PPP2R5A: variants seen among roughly 807,000 people sequenced by gnomAD.
PPP2R5A encodes protein phosphatase 2 regulatory subunit B'alpha.
A neutral mutation model predicts 64.2 loss-of-function variants in PPP2R5A; 25 were observed. The observed-to-expected ratio is 0.39, with a 90% confidence interval of 0.28 to 0.54. PPP2R5A has a LOEUF of 0.54. Among genes scored for constraint, PPP2R5A ranks in the 20% least tolerant of loss-of-function variants. The pLI is 0.67. For missense variants in PPP2R5A, 425 were observed against 576.3 expected (o/e 0.74, Z 2.69); for synonymous variants, 198 against 201.2 (o/e 0.98, Z 0.13).
chr1:212,300,251 C>A (rs745501893), intron 1 of PPP2R5A, among the ~76,000 whole-genome samples: 1 of 143,950 alleles, frequency 6.9e-6, no homozygotes. Flanking sequence ...CCTGGATACT[C>A]TCTATATATT....
Position 212,311,941 on chromosome 1 carries a change from AT to A in PPP2R5A, c.182-17191del, listed in dbSNP as rs1263787190. Among the ~76,000 whole-genome samples, 8 of 152,328 alleles carry A rather than the reference AT, an allele frequency of 5.3e-5. No individual in the cohort carries two copies. The South Asian group carries it at 8.3e-4, about 16-fold the overall frequency. ...TGGAGAAAGAAAATGTTTTAAATAA[AT>A]TTAGGGTAGCCTAAATATACCGTTT... On this transcript the variant is annotated intron_variant, in intron 1 of 12. Coordinates refer to ENST00000261461, the MANE Select transcript of PPP2R5A (RefSeq NM_006243.4).
intron 1 of PPP2R5A, among the ~76,000 whole-genome samples, chr1:212,286,805 C>G (rs757411187): frequency 6.6e-6 from 1 of 152,126 alleles, no homozygotes; most frequent in Non-Finnish European, 1.5e-5. Flanking sequence ...AGTCATCAGA[C>G]CAGGAATCCG....
chr1:212,310,854 G>T (rs1434010726), intron 1 of PPP2R5A, among the ~76,000 whole-genome samples: 1 of 152,202 alleles, frequency 6.6e-6, no homozygotes, highest in Non-Finnish European at 1.5e-5. Context: ...GAGAAATGCT[G>T]ATAGGTCCTA....
intron 1 of PPP2R5A, among the ~76,000 whole-genome samples, chr1:212,311,990 G>T (rs369325545): frequency 9.2e-5 from 14 of 152,334 alleles, no homozygotes; most frequent in African/African-American, 2.9e-4. Context: ...GTAGTGTACA[G>T]TAATGTCCTA....
chr1:212,343,743 G>T (rs1659727848), intron 4 of PPP2R5A, among the ~76,000 whole-genome samples: 1 of 152,176 alleles, frequency 6.6e-6, no homozygotes, highest in African/African-American at 2.4e-5. Flanking sequence ...CAGCTCTTGT[G>T]TGGGATACAT....
rs575201628 is a variant in PPP2R5A, at chr1:212,292,331, C to T, written c.181+6040C>T. ...CAGTTGTTATGTTGTGATGCTCTCT[C>T]TCCAGAATGAGATGGTGAATTTTTC... is the stretch of plus-strand genomic sequence containing the variant. On this transcript the variant is annotated intron_variant, in intron 1 of 12. Transcript: ENST00000261461. 2.0e-5 allele frequency among the ~76,000 whole-genome samples: 3 copies of T among 152,322 alleles called. No individual in the cohort carries two copies. The South Asian group carries it at 6.2e-4, about 32-fold the overall frequency.
rs530991501 is a variant in PPP2R5A at position 212,358,801 on chromosome 1, T to C, written c.1328+14T>C. ...TGAAAGACAGAGGTATTTGATATTTTGAATTACAAAATTATCTATACATTT... is the reference window on the plus strand; with the variant it reads ...TGAAAGACAGAGGTATTTGATATTTCGAATTACAAAATTATCTATACATTT... On this transcript the variant is annotated intron_variant, in intron 12 of 12. Coordinates refer to ENST00000261461, the MANE Select transcript of PPP2R5A (RefSeq NM_006243.4). The C allele has an allele frequency of 6.3e-7, 1 of 1,588,948 alleles. No individual in the cohort carries two copies. Among genetic ancestry groups the C allele is most frequent in the African/African-American group, 1.3e-5 (1 of 74,422 alleles).
chr1:212,290,209 T>G (rs1658576053), intron 1 of PPP2R5A, among the ~76,000 whole-genome samples: 1 of 152,136 alleles, frequency 6.6e-6, no homozygotes, highest in African/African-American at 2.4e-5. Flanking sequence ...TTCCTTACCT[T>G]TAGGGGGAAA....
At chr1:212,346,030 C>G (rs890362583) in intron 5 of PPP2R5A, 97 bp downstream of exon 5, 4 of 1,208,292 alleles carry the variant, frequency 3.3e-6, no homozygotes, top group Non-Finnish European at 3.4e-6. Flanking sequence ...GAGACAGGGT[C>G]TCACTCTGTC....
intron 3 of PPP2R5A, among the ~76,000 whole-genome samples, chr1:212,334,838 A>G (rs995712722): frequency 6.6e-6 from 1 of 152,082 alleles, no homozygotes; most frequent in Non-Finnish European, 1.5e-5. Flanking sequence ...AGTTTTGTCA[A>G]TTTGATTATG....
At position 212,286,281 on chromosome 1, in the gene PPP2R5A, C is replaced by T. The variant is rs351403; in HGVS notation, c.171C>T (p.Pro57=). 3,165 of 1,523,964 alleles carry T rather than the reference C, an allele frequency of 2.1e-3. 64 individuals are homozygous for T. In the African/African-American group the frequency reaches 0.039, roughly 19 times the overall value. The allele number at this position is 1,523,964 out of a possible 1,614,324, so 94.4% of individuals were successfully genotyped here. A position where few individuals can be genotyped will look rare whatever the true frequency, so the allele number is the denominator to read the frequency against. ...GCCAGGCAGAGCTGCACCCGCTGCC[C>T]CAGCTCAAAGGTAACCTCCGAGGGC... ...QGSQAELHPL[P]QLKDATSNEQ... is the part of the protein sequence containing the mutation. The change falls in exon 1 of 13, where the codon CCC becomes CCT. Residue 57 remains proline (P), a synonymous_variant. Transcript: ENST00000261461.
At chr1:212,297,304 CAG>C (rs1658715830) in intron 1 of PPP2R5A, 1 of 151,394 alleles carries the variant, frequency 6.6e-6, no homozygotes, top group East Asian at 1.9e-4. Context: ...TTAGTAGAGA[CAG>C]GGTTTCACTG....
chr1:212,332,094 T>TATCG (rs761665725), intron 2 of PPP2R5A, among the ~76,000 whole-genome samples: 1 of 152,252 alleles, frequency 6.6e-6, no homozygotes, highest in Non-Finnish European at 1.5e-5. Context: ...TTTCAAATTG[T>TATCG]ATCGATGGCT....
At chr1:212,292,715 A>C (rs1247840649) in intron 1 of PPP2R5A, among the ~76,000 whole-genome samples, 2 of 152,124 alleles carry the variant, frequency 1.3e-5, no homozygotes, top group Non-Finnish European at 2.9e-5. Flanking sequence ...GTGTGCTGCC[A>C]CACCCAGCTA....
At chr1:212,360,321 T>C (rs932929128) in intron 12 of PPP2R5A, among the ~76,000 whole-genome samples, 3 of 152,202 alleles carry the variant, frequency 2.0e-5, no homozygotes, top group African/African-American at 7.2e-5. Context: ...CTACTACAAC[T>C]GCAAGATGTT....
At chr1:212,319,947 GT>G (rs71137742) in intron 1 of PPP2R5A, among the ~76,000 whole-genome samples, 65,641 of 103,028 alleles carry the variant, frequency 0.64, 19,007 homozygotes, top group Middle Eastern at 0.73. Context: ...CTTACAGATT[GT>G]TTTTTTTTTT....
rs1369691648 is a variant in PPP2R5A, at chr1:212,299,032, G to A, written c.181+12741G>A. On this transcript the variant is annotated intron_variant, in intron 1 of 12. Transcript: ENST00000261461. ...AGAGGAGCCCCTCACCTCCCGGCCG[G>A]GGCGGCTGGCCGACACCCCCCCCCC... is the stretch of plus-strand genomic sequence containing the variant. 7.9e-5 allele frequency among the ~76,000 whole-genome samples: 2 copies of A among 25,206 alleles called. 1 individual carries two copies. Among genetic ancestry groups the A allele is most frequent in the Non-Finnish European group, 1.4e-4 (2 of 14,146 alleles). The allele number at this position is 25,206 out of a possible 152,430, so 16.5% of individuals were successfully genotyped here.
At chr1:212,351,904 C>T (rs1358302138) in intron 8 of PPP2R5A, among the ~76,000 whole-genome samples, 2 of 151,876 alleles carry the variant, frequency 1.3e-5, no homozygotes, top group Non-Finnish European at 2.9e-5. Context: ...CAAAACAAAA[C>T]AAAACACCGT....
rs554368025 is a variant in PPP2R5A, at chr1:212,325,409, G to A, written c.182-3726G>A. On this transcript the variant is annotated intron_variant, in intron 1 of 12. Coordinates refer to ENST00000261461, the MANE Select transcript of PPP2R5A (RefSeq NM_006243.4). ...AGGTAGGGAAAAGACTTTGAACAAA[G>A]ACACGGCCTTCAGAGAATAAGAGGG... 3.9e-5 allele frequency among the ~76,000 whole-genome samples: 6 copies of A among 152,242 alleles called. No homozygotes were observed. In the East Asian group the frequency reaches 9.6e-4, roughly 24 times the overall value.
Sources: allele counts gnomAD v4.1 joint callset (sites outside exome capture counted in the v4.1 genomes callset), GRCh38; gene constraint gnomAD v4.1.1; transcripts MANE v1.5; gene names NCBI Gene and HGNC (gene_info 2026-07-23, HGNC 2026-07-21).